The following ULK2 variants were observed in gnomAD, a reference collection of about 807,000 sequenced individuals.
ULK2 encodes the protein serine/threonine-protein kinase ULK2.
In ULK2, 76 loss-of-function variants were observed where a neutral mutation model predicts 127.5. That is an observed-to-expected ratio of 0.60 (90% CI 0.50 to 0.72). The LOEUF (loss-of-function observed/expected upper bound fraction) is 0.72, where lower values mean the gene tolerates loss of function less well. ULK2 is among the 30% of genes least tolerant of loss of function. The pLI is 0.00. For synonymous variants in ULK2, 452 were observed against 461.9 expected, an observed-to-expected ratio of 0.98 and a Z score of 0.28; for missense variants, 1,144 against 1,295.9, an observed-to-expected ratio of 0.88 and a Z score of 1.80.
chr17:19,822,800 C>A (rs575515089), intron 12 of ULK2, among the ~76,000 whole-genome samples: 33 of 152,270 alleles, frequency 2.2e-4, no homozygotes, highest in African/African-American at 7.5e-4. Context: ...GATTCTCCTG[C>A]CTCAGCCTCT....
rs869294657 is a variant in ULK2 at position 19,842,190 on chromosome 17, C to CTTTTTTT, written c.646-650_646-644dup. Among the ~76,000 whole-genome samples, 519 of 88,338 alleles carry CTTTTTTT rather than the reference C, an allele frequency of 5.9e-3. 3 individuals carry two copies. Among genetic ancestry groups the CTTTTTTT allele is most frequent in the East Asian group, 0.01 (26 of 2,528 alleles). The allele number at this position is 88,338 out of a possible 152,430, so 58.0% of individuals were successfully genotyped here. A position where few individuals can be genotyped will look rare whatever the true frequency, so the allele number is the denominator to read the frequency against. On this transcript the variant is annotated intron_variant, in intron 8 of 26. Coordinates refer to ENST00000395544, the MANE Select transcript of ULK2 (RefSeq NM_014683.4). ...TGGCTGTGTCACTAATTTTCTTTTTCTTTTTTTTTTTTTTTTTTTTTTTTG... is the reference window on the plus strand; with the variant it reads ...TGGCTGTGTCACTAATTTTCTTTTTCTTTTTTTTTTTTTTTTTTTTTTTTTTTTTTTG...
rs750444477 is a variant in ULK2, at chr17:19,804,711, T to C, written c.1277A>G (p.Asn426Ser). 1 of 1,608,032 alleles carries C rather than the reference T, an allele frequency of 6.2e-7. No homozygotes were observed. The change falls in exon 15 of 27, where the codon AAT becomes AGT. Residue 426 changes from asparagine to serine, a missense_variant. Transcript: ENST00000395544. Reference protein sequence around the residue: ...NLTSTASSGTNVHGSPRSAVV... With the variant: ...NLTSTASSGTSVHGSPRSAVV... Reference sequence around the variant, plus strand: ...AACTTACCTTGGAGAACCATGTACATTTGTGCCTGAGCTGGCAGTAGATGT... The same window carrying C: ...AACTTACCTTGGAGAACCATGTACACTTGTGCCTGAGCTGGCAGTAGATGT...
chr17:19,814,431 TATA>T (rs1207165720), intron 13 of ULK2, among the ~76,000 whole-genome samples: 76 of 16,424 alleles, frequency 4.6e-3, no homozygotes, highest in South Asian at 0.013. Flanking sequence ...TATATATATA[TATA>T]TATATTTTTT....
In ULK2 at chr17:19,799,891, G is replaced by A. The variant is rs868410884; in HGVS notation, c.1442-316C>T. ...CACAAAGAGTTTGTACAAAGTGTCC[G>A]GGCTTGTGGAGCTGCAGGGCACAGC... is the stretch of plus-strand genomic sequence containing the variant. On this transcript the variant is annotated intron_variant, in intron 16 of 26. Coordinates refer to ENST00000395544, the MANE Select transcript of ULK2 (RefSeq NM_014683.4). Among the ~76,000 whole-genome samples, 36 of 152,294 alleles carry A rather than the reference G, an allele frequency of 2.4e-4. 1 individual carries two copies. The highest frequency in any genetic ancestry group is 3.4e-3 in the Middle Eastern group (1 of 294).
intron 12 of ULK2, 103 bp from the exon 13 acceptor site, chr17:19,817,023 A>G (rs2041007080): frequency 1.0e-6 from 1 of 992,556 alleles, no homozygotes; most frequent in Non-Finnish European, 1.4e-6. Flanking sequence ...AAAAGTGGGC[A>G]TGAAGTCCAA....
At chr17:19,796,805 G>C (rs1213874887) in intron 18 of ULK2, among the ~76,000 whole-genome samples, 1 of 152,164 alleles carries the variant, frequency 6.6e-6, no homozygotes, top group Non-Finnish European at 1.5e-5. Context: ...GTGAGACCTG[G>C]CAGGAGTATA....
chr17:19,846,772 C>T lies in ULK2; in HGVS notation c.434G>A (p.Arg145Lys). Residue 145 changes from arginine to lysine, a missense_variant, in exon 6 of 27, where the codon AGA becomes AAA. Arg to Lys is a conservative substitution (Grantham distance 26). Coordinates refer to ENST00000395544, the MANE Select transcript of ULK2 (RefSeq NM_014683.4). ...GCGAATACCACTGACACTTGATTTT[C>T]TGCGATTGGCATAGGACAGCAAGAT... ...QNILLSYANRRKSSVSGIRIK... is the reference protein window; with the variant it reads ...QNILLSYANRKKSSVSGIRIK... The T allele has an allele frequency of 1.9e-6, 3 of 1,611,370 alleles. No individual in the cohort carries two copies. The highest frequency in any genetic ancestry group is 2.5e-6 in the Non-Finnish European group (3 of 1,178,948).
Position 19,801,831 on chromosome 17 carries a change from C to A in ULK2, c.1387G>T (p.Val463Phe), listed in dbSNP as rs781385389. Residue 463 changes from valine to phenylalanine, a missense_variant, in exon 16 of 27, where the codon GTT becomes TTT. Val to Phe is a conservative substitution (Grantham distance 50). Around this residue, in one of 2 missense-constraint regions of ULK2, gnomAD observed 913 missense variants for 970.5 expected, o/e 0.94. Transcript: ENST00000395544. ...SPVPADTAQT[V>F]GRRLSTGSSR... ...GACCCAGTGGAGAGCCTTCGTCCAA[C>A]TGTCTGTGCTGTGTCTGCTGGTACT... The A allele has an allele frequency of 6.2e-7, 1 of 1,614,222 alleles. No individual in the cohort carries two copies. The highest frequency in any genetic ancestry group is 1.1e-5 in the South Asian group (1 of 91,086).
chr17:19,790,985 C>T (rs2087139342), intron 20 of ULK2, among the ~76,000 whole-genome samples: 1 of 152,186 alleles, frequency 6.6e-6, no homozygotes, highest in Non-Finnish European at 1.5e-5. Flanking sequence ...ACGCACCCTA[C>T]ACGAGCATAC....
chr17:19,825,504 G>GT, intron 11 of ULK2, among the ~76,000 whole-genome samples: 1 of 152,170 alleles, frequency 6.6e-6, no homozygotes, highest in South Asian at 2.1e-4. Context: ...GAGGTCAGGA[G>GT]TTTGAGACCA....
intron 20 of ULK2, among the ~76,000 whole-genome samples, chr17:19,786,900 A>G (rs886095971): frequency 1.3e-4 from 20 of 152,320 alleles, no homozygotes; most frequent in African/African-American, 2.4e-4. Context: ...CACAAACTGT[A>G]TATTTCTTCT....
intron 14 of ULK2, among the ~76,000 whole-genome samples, chr17:19,808,253 T>C (rs1375401691): frequency 6.6e-6 from 1 of 152,100 alleles, no homozygotes; most frequent in East Asian, 1.9e-4. Context: ...TGGAATCTTA[T>C]CATACACCAT....
intron 22 of ULK2, among the ~76,000 whole-genome samples, chr17:19,782,919 T>TGAAC (rs2086949980): frequency 2.0e-5 from 3 of 149,092 alleles, no homozygotes; most frequent in Admixed American, 6.6e-5. Context: ...CTGTCTCAAA[T>TGAAC]AAACAAACAA....
intron 15 of ULK2, among the ~76,000 whole-genome samples, chr17:19,803,772 C>T (rs2087451593): frequency 1.3e-5 from 2 of 152,258 alleles, no homozygotes; most frequent in South Asian, 2.1e-4. Flanking sequence ...CCTTTGGTAT[C>T]GTAACAGTTA....
chr17:19,840,011 A>G (rs28376020), intron 9 of ULK2: 250 of 294,362 alleles, frequency 8.5e-4, no homozygotes, highest in African/African-American at 3.9e-3. Flanking sequence ...TGTTTGCAGT[A>G]ACCAAAAAAA....
At chr17:19,849,661 A>G in intron 4 of ULK2, 81 bp downstream of exon 4, 1 of 1,031,098 alleles carries the variant, frequency 9.7e-7, no homozygotes, top group Non-Finnish European at 1.4e-6. Context: ...AGGATTTGAA[A>G]TATGCAGATT....
At chr17:19,811,962 G>A (rs1301642737) in intron 13 of ULK2, among the ~76,000 whole-genome samples, 5 of 152,158 alleles carry the variant, frequency 3.3e-5, no homozygotes, top group Non-Finnish European at 7.3e-5. Flanking sequence ...AAAGAGAAGA[G>A]CCTAAACTCA....
At chr17:19,804,647 A>T (rs775097079) in intron 15 of ULK2, 46 bp downstream of exon 15, 2 of 1,529,248 alleles carry the variant, frequency 1.3e-6, no homozygotes, top group Non-Finnish European at 1.8e-6. Context: ...AATTTTTTTT[A>T]AAGGAGATGA....
chr17:19,795,965 G>T, intron 19 of ULK2, 130 bp downstream of exon 19: 1 of 1,277,386 alleles, frequency 7.8e-7, no homozygotes, highest in South Asian at 1.5e-5. Flanking sequence ...AATGTACGTG[G>T]TACATATCAA....
Sources: gnomAD v4.1 joint callset for allele counts (sites outside exome capture counted in the v4.1 genomes callset) on GRCh38, gnomAD v4.1.1 for gene constraint, gnomAD v4.1.1 regional missense constraint, MANE v1.5 for transcripts, NCBI Gene and HGNC (gene_info 2026-07-23, HGNC 2026-07-21) for gene names.